The following ATRNL1 variants were observed in gnomAD, a reference collection of about 807,000 sequenced individuals.
ATRNL1 encodes the protein attractin-like protein 1.
A neutral mutation model predicts 182.7 loss-of-function variants in ATRNL1; 95 were observed. That is an observed-to-expected ratio of 0.52 (90% CI 0.44 to 0.62). The LOEUF (loss-of-function observed/expected upper bound fraction) is 0.62, where lower values mean the gene tolerates loss of function less well. Among genes scored for constraint, ATRNL1 ranks in the 20% least tolerant of loss-of-function variants. ATRNL1 has a pLI of 0.00. For missense variants in ATRNL1, 1,471 were observed against 1,679.5 expected, an observed-to-expected ratio of 0.88 and a Z score of 2.17; for synonymous variants, 576 against 568.3, an observed-to-expected ratio of 1.01 and a Z score of -0.19.
chr10:115,930,258 GT>G (rs1275689178), intron 28 of ATRNL1, among the ~76,000 whole-genome samples: 9 of 152,026 alleles, frequency 5.9e-5, no homozygotes, highest in South Asian at 2.1e-4. Context: ...GATTTATTTG[GT>G]TTTTTTCCTT....
At position 115,440,776 on chromosome 10, in the gene ATRNL1, GA is replaced by G. The variant is rs534464217; in HGVS notation, c.3322+14483del. 2.1e-3 allele frequency among the ~76,000 whole-genome samples: 309 copies of G among 150,034 alleles called. 1 individual carries two copies. The highest frequency in any genetic ancestry group is 6.6e-3 in the African/African-American group (272 of 41,048). ...TTCTTCACCCTCACGTTGCTGGGGG[GA>G]AAAAAAAATCATATAGCTGTGTTGA... On this transcript the variant is annotated intron_variant, in intron 21 of 28. Coordinates refer to ENST00000355044, the MANE Select transcript of ATRNL1 (RefSeq NM_207303.4).
chr10:115,467,284 C>A, intron 23 of ATRNL1, 32 bp downstream of exon 23: 1 of 1,456,476 alleles, frequency 6.9e-7, no homozygotes, highest in Non-Finnish European at 9.5e-7. Flanking sequence ...ATCTCTTTTA[C>A]ATGTGTTCCT....
chr10:115,433,101 T>A (rs782442218), intron 21 of ATRNL1, among the ~76,000 whole-genome samples: 12 of 152,076 alleles, frequency 7.9e-5, no homozygotes, highest in Non-Finnish European at 1.6e-4. Flanking sequence ...TTTAAAAAAT[T>A]ACTGTTTTAT....
intron 19 of ATRNL1, among the ~76,000 whole-genome samples, chr10:115,373,143 A>G (rs1363818857): frequency 6.6e-6 from 1 of 152,044 alleles, no homozygotes; most frequent in South Asian, 2.1e-4. Context: ...AAATGAGATT[A>G]TTTCTTGATT....
At chr10:115,381,181 CTCTTTGGAATAATCT>C (rs1857975739) in intron 19 of ATRNL1, among the ~76,000 whole-genome samples, 1 of 152,026 alleles carries the variant, frequency 6.6e-6, no homozygotes, top group Non-Finnish European at 1.5e-5. Flanking sequence ...ATTTGTAAAT[CTCTTTGGAATAATCT>C]TCTTTGGAAT....
chr10:115,927,890 AT>A (rs1428918699), intron 28 of ATRNL1, among the ~76,000 whole-genome samples: 2 of 152,090 alleles, frequency 1.3e-5, no homozygotes, highest in African/African-American at 4.8e-5. Context: ...AGGAAGTAGT[AT>A]GGTTCAGGAA....
intron 20 of ATRNL1, among the ~76,000 whole-genome samples, chr10:115,407,951 A>T (rs1012626031): frequency 1.3e-5 from 2 of 149,168 alleles, no homozygotes; most frequent in African/African-American, 5.0e-5. Flanking sequence ...AACTGGGGTC[A>T]GATGATATCT....
chr10:115,388,728 A>T (rs1439865843), intron 19 of ATRNL1, among the ~76,000 whole-genome samples: 1 of 151,950 alleles, frequency 6.6e-6, no homozygotes, highest in Non-Finnish European at 1.5e-5. Context: ...CTGCTCTTTA[A>T]TTAAAAAATA....
intron 8 of ATRNL1, among the ~76,000 whole-genome samples, chr10:115,175,438 C>T (rs1415375621): frequency 6.6e-6 from 1 of 152,004 alleles, no homozygotes; most frequent in African/African-American, 2.4e-5. Flanking sequence ...ATAATCTAAA[C>T]ATATTTTTAT....
At chr10:115,267,386 A>G (rs1851651750) in intron 12 of ATRNL1, among the ~76,000 whole-genome samples, 1 of 151,680 alleles carries the variant, frequency 6.6e-6, no homozygotes, top group South Asian at 2.1e-4. Flanking sequence ...TTCCTGAATT[A>G]TTGCCAAACC....
chr10:115,789,878 AAAGGGTATCC>A (rs1330591410), intron 27 of ATRNL1, among the ~76,000 whole-genome samples: 3 of 152,200 alleles, frequency 2.0e-5, no homozygotes, highest in Non-Finnish European at 4.4e-5. Flanking sequence ...AAATTCTGGA[AAAGGGTATCC>A]AACATAAATA....
chr10:115,278,224 G>C (rs1852191700), intron 13 of ATRNL1, among the ~76,000 whole-genome samples: 1 of 152,180 alleles, frequency 6.6e-6, no homozygotes, highest in Non-Finnish European at 1.5e-5. Context: ...TCATTAGATG[G>C]TGCCTGTTTA....
rs760981012 is a variant in ATRNL1 at position 115,549,676 on chromosome 10, T to C, written c.3795+140T>C. 3 of 506,654 alleles carry C rather than the reference T, an allele frequency of 5.9e-6. No individual in the cohort carries two copies. The East Asian group carries it at 1.1e-4, about 18-fold the overall frequency. 31.4% of individuals were successfully genotyped at this position (506,654 alleles called of 1,614,324 possible). On this transcript the variant is annotated intron_variant, in intron 26 of 28. Transcript: ENST00000355044. ...TACTAATATTCAAAAATCACTCTAG[T>C]ATTTTTTAAGCTGTAGAGCAAACTT...
At position 115,467,157 on chromosome 10, in the gene ATRNL1, A is replaced by G. The variant is rs981011902; in HGVS notation, c.3418-17A>G. ...GTAATTTTCGTTTTTTAACCTTAATATTTTCTTTTCTGGTAGTCGAACAAA... is the reference window on the plus strand; with the variant it reads ...GTAATTTTCGTTTTTTAACCTTAATGTTTTCTTTTCTGGTAGTCGAACAAA... On this transcript the variant is annotated splice_polypyrimidine_tract_variant and intron_variant, in intron 22 of 28. Coordinates refer to ENST00000355044, the MANE Select transcript of ATRNL1 (RefSeq NM_207303.4). 3.2e-6 allele frequency: 5 copies of G among 1,567,950 alleles called. No individual in the cohort carries two copies. Among genetic ancestry groups the G allele is most frequent in the Non-Finnish European group, 4.4e-6 (5 of 1,142,608 alleles).
intron 26 of ATRNL1, among the ~76,000 whole-genome samples, chr10:115,642,193 A>G (rs782132117): frequency 1.1e-4 from 17 of 152,210 alleles, no homozygotes; most frequent in Admixed American, 3.9e-4. Context: ...GGGTATTTCC[A>G]TATATTCACA....
intron 20 of ATRNL1, 141 bp from the exon 21 acceptor site, chr10:115,426,109 G>T: frequency 1.8e-6 from 1 of 555,324 alleles, no homozygotes; most frequent in Non-Finnish European, 3.1e-6. Context: ...ATCTTTCAAA[G>T]ATGTGTTTTT....
Position 115,738,126 on chromosome 10 carries a change from ATTTTTTTTTTTTT to A in ATRNL1, c.3903+10789_3903+10801del, listed in dbSNP as rs10546896. ...ATAAAAAATGATTTAGAAGATAATG[ATTTTTTTTTTTTT>A]TTTTTTTTTTTTTTTTTGAGATGGA... On this transcript the variant is annotated intron_variant, in intron 27 of 28. Transcript: ENST00000355044. Among the ~76,000 whole-genome samples the A allele has an allele frequency of 4.2e-4, 20 of 47,092 alleles. 2 individuals are homozygous for A. Among genetic ancestry groups the A allele is most frequent in the African/African-American group, 1.3e-3 (20 of 15,204 alleles). 30.9% of individuals were successfully genotyped at this position (47,092 alleles called of 152,430 possible). A position where few individuals can be genotyped will look rare whatever the true frequency, so the allele number is the denominator to read the frequency against.
chr10:115,257,251 G>A (rs1554907285), intron 10 of ATRNL1, among the ~76,000 whole-genome samples: 1 of 152,140 alleles, frequency 6.6e-6, no homozygotes. Context: ...CATTATTATT[G>A]TGTGGGAGTC....
intron 27 of ATRNL1, among the ~76,000 whole-genome samples, chr10:115,812,925 A>G (rs1950080001): frequency 6.7e-6 from 1 of 149,880 alleles, no homozygotes; most frequent in Admixed American, 6.6e-5. Flanking sequence ...TAGAATTAAT[A>G]GAATTAATAT....
Sources: allele counts gnomAD v4.1 joint callset (sites outside exome capture counted in the v4.1 genomes callset), GRCh38; gene constraint gnomAD v4.1.1; transcripts MANE v1.5; gene names NCBI Gene and HGNC (gene_info 2026-07-23, HGNC 2026-07-21).